The following DOCK11 variants were observed in gnomAD, a reference collection of about 807,000 sequenced individuals.
DOCK11 encodes dedicator of cytokinesis 11.
A neutral mutation model predicts 169.1 loss-of-function variants in DOCK11; 70 were observed. That is an observed-to-expected ratio of 0.41 (90% CI 0.34 to 0.51). The LOEUF (loss-of-function observed/expected upper bound fraction) is 0.51, where lower values mean the gene tolerates loss of function less well. Among genes scored for constraint, DOCK11 ranks in the 20% least tolerant of loss-of-function variants. The pLI, the probability that DOCK11 is intolerant of heterozygous loss-of-function variation, is 0.10. For synonymous variants in DOCK11, 529 were observed against 541.3 expected, an observed-to-expected ratio of 0.98 and a Z score of 0.32; for missense variants, 1,166 against 1,538.8, an observed-to-expected ratio of 0.76 and a Z score of 4.05.
At chrX:118,577,758 T>C (rs2013494080) in intron 12 of DOCK11, among the ~76,000 whole-genome samples, 1 of 111,917 alleles carries the variant, frequency 8.9e-6, no homozygotes, top group African/African-American at 3.3e-5. Context: ...TGGAAATCAC[T>C]ATATTAACAA....
At chrX:118,521,494 G>T (rs1286687807) in intron 1 of DOCK11, among the ~76,000 whole-genome samples, 2 of 112,342 alleles carry the variant, frequency 1.8e-5, no homozygotes, top group Non-Finnish European at 3.8e-5. Flanking sequence ...TTGAATTTTG[G>T]AATTCTCTTT....
chrX:118,503,384 A>T (rs1395054819), intron 1 of DOCK11, among the ~76,000 whole-genome samples: 1 of 111,746 alleles, frequency 8.9e-6, no homozygotes, highest in Non-Finnish European at 1.9e-5. Context: ...AACTGAGGCA[A>T]TGAGAATGGA....
intron 30 of DOCK11, 57 bp downstream of exon 30, chrX:118,615,768 C>G: frequency 1.1e-6 from 1 of 917,305 alleles, no homozygotes; most frequent in Non-Finnish European, 1.6e-6. Flanking sequence ...TTTGCTAGCG[C>G]TAGTGTAGTA....
At chrX:118,544,645 CTTTTTTTTTTTTTTTTTTTTTT>C (rs1157804079) in intron 4 of DOCK11, among the ~76,000 whole-genome samples, 1 of 23,343 alleles carries the variant, frequency 4.3e-5, no homozygotes, top group East Asian at 1.5e-3. Context: ...TACACTGTTG[CTTTTTTTTTTTTTTTTTTTTTT>C]TTTTTTTTTT....
intron 43 of DOCK11, 22 bp downstream of exon 43, chrX:118,654,839 C>G: frequency 8.3e-7 from 1 of 1,206,741 alleles, no homozygotes; most frequent in Non-Finnish European, 1.1e-6. Context: ...AAGTTTTGTT[C>G]TAAACAGCCC....
chrX:118,506,302 T>G (rs1294819), intron 1 of DOCK11, among the ~76,000 whole-genome samples: 2 of 109,556 alleles, frequency 1.8e-5, no homozygotes, highest in Non-Finnish European at 1.9e-5. Flanking sequence ...ACCTTTATTG[T>G]TATCCCTTTC....
intron 6 of DOCK11, among the ~76,000 whole-genome samples, chrX:118,550,053 T>C (rs2012440068): frequency 8.9e-6 from 1 of 112,167 alleles, no homozygotes; most frequent in Non-Finnish European, 1.9e-5. Context: ...TAGTGTTGTA[T>C]TTCAGAATTT....
At chrX:118,615,879 A>G (rs928839094) in intron 30 of DOCK11, among the ~76,000 whole-genome samples, 168 bp downstream of exon 30, 2 of 112,291 alleles carry the variant, frequency 1.8e-5, no homozygotes, top group Non-Finnish European at 3.8e-5. Context: ...TAATATCAGT[A>G]ATAATGTTCA....
chrX:118,603,410 T>G (rs1288044414), intron 23 of DOCK11, among the ~76,000 whole-genome samples: 3 of 112,450 alleles, frequency 2.7e-5, no homozygotes, highest in Middle Eastern at 4.6e-3. Context: ...ACACTCTGGC[T>G]GTCATGTTGA....
intron 34 of DOCK11, among the ~76,000 whole-genome samples, chrX:118,629,030 C>T (rs186091696): frequency 9.0e-6 from 1 of 111,150 alleles, no homozygotes. Context: ...ATCAGCATCA[C>T]CTGGAGGGCT....
chrX:118,656,521 G>A, intron 44 of DOCK11, among the ~76,000 whole-genome samples: 1 of 110,853 alleles, frequency 9.0e-6, no homozygotes, highest in Non-Finnish European at 1.9e-5. Context: ...AAAAATCACT[G>A]GTATGCATAT....
At chrX:118,597,840 T>G (rs901765276) in intron 21 of DOCK11, among the ~76,000 whole-genome samples, 190 bp from the exon 22 acceptor site, 3 of 112,082 alleles carry the variant, frequency 2.7e-5, no homozygotes, top group African/African-American at 9.7e-5. Flanking sequence ...ATAAAAATAG[T>G]CTGCAAAGGA....
intron 6 of DOCK11, among the ~76,000 whole-genome samples, chrX:118,554,337 G>T (rs1210119215): frequency 9.0e-6 from 1 of 111,428 alleles, no homozygotes; most frequent in Non-Finnish European, 1.9e-5. Context: ...ATAACTTGAA[G>T]TCAAAAGTTC....
intron 38 of DOCK11, among the ~76,000 whole-genome samples, chrX:118,639,869 A>G (rs1320693987): frequency 8.9e-6 from 1 of 111,949 alleles, no homozygotes; most frequent in Non-Finnish European, 1.9e-5. Flanking sequence ...GGATTTTTGA[A>G]CAATTTTAGG....
chrX:118,531,682 C>T (rs942933909), intron 1 of DOCK11, among the ~76,000 whole-genome samples: 91 of 108,664 alleles, frequency 8.4e-4, no homozygotes, highest in Non-Finnish European at 1.5e-3. Context: ...CTCAGCCTCC[C>T]GAGTAGCTGG....
chrX:118,597,597 CA>C (rs1209957292), intron 21 of DOCK11, 45 bp downstream of exon 21: 1 of 1,192,513 alleles, frequency 8.4e-7, no homozygotes, highest in East Asian at 3.0e-5. Flanking sequence ...ATTAAATGTG[CA>C]AAAAATAGAA....
rs141952815 is a variant in DOCK11, at chrX:118,546,420, T to G, written c.558+304T>G. 3.6e-5 allele frequency among the ~76,000 whole-genome samples: 4 copies of G among 111,470 alleles called. No homozygotes were observed. The East Asian group carries it at 1.1e-3, about 31-fold the overall frequency. ...GGCATCAAAGTTTCATATGTAGAAA[T>G]GACCTTAATGAGTGGAAGGACAAGT... On this transcript the variant is annotated intron_variant, in intron 6 of 52. Coordinates refer to ENST00000276202, the MANE Select transcript of DOCK11 (RefSeq NM_144658.4).
intron 38 of DOCK11, 112 bp from the exon 39 acceptor site, chrX:118,641,078 C>T (rs1000180956): frequency 4.9e-5 from 27 of 553,234 alleles, no homozygotes; most frequent in African/African-American, 9.3e-5. Flanking sequence ...CATGAGCCAC[C>T]GCACCCAGCC....
intron 34 of DOCK11, among the ~76,000 whole-genome samples, chrX:118,629,996 G>A (rs2015198065): frequency 9.1e-6 from 1 of 110,012 alleles, no homozygotes; most frequent in Admixed American, 9.8e-5. Context: ...ATGATTTGGA[G>A]GTTGGATTTT....
Sources: gnomAD v4.1 joint callset for allele counts (sites outside exome capture counted in the v4.1 genomes callset) on GRCh38, gnomAD v4.1.1 for gene constraint, MANE v1.5 for transcripts, NCBI Gene and HGNC (gene_info 2026-07-23, HGNC 2026-07-21) for gene names.